PRSS23: variants seen among roughly 807,000 people sequenced by gnomAD.
PRSS23 encodes protease, serine 23.
In PRSS23, 25 loss-of-function variants were observed where a neutral mutation model predicts 34.7. The observed-to-expected ratio is 0.72, with a 90% CI of 0.53 to 1.01. The LOEUF is 1.01. Ranked by LOEUF, PRSS23 falls within the 50% of genes least tolerant of loss-of-function variation. The pLI, the probability that PRSS23 is intolerant of heterozygous loss-of-function variation, is 0.00. For synonymous variants in PRSS23, 176 were observed against 186.6 expected, an observed-to-expected ratio of 0.94 and a Z score of 0.46; for missense variants, 445 against 475.6, an observed-to-expected ratio of 0.94 and a Z score of 0.60.
At chr11:86,894,618 A>G (rs1948862835) in intron 2 of PRSS23, among the ~76,000 whole-genome samples, 1 of 152,100 alleles carries the variant, frequency 6.6e-6, no homozygotes, top group Non-Finnish European at 1.5e-5. Context: ...CATGTCTGGC[A>G]ATGTAGGGAA....
rs1478530066 is a variant in PRSS23 at position 86,807,988 on chromosome 11, C to G, written c.345C>G (p.His115Gln). Residue 115 changes from histidine (H) to glutamine (Q), a missense_variant, in exon 2 of 2, where the codon CAC becomes CAG. Coordinates refer to ENST00000280258, the MANE Select transcript of PRSS23 (RefSeq NM_007173.6). ...ILSSSGDGAQ[H>Q]RDSGSSGKSR... Reference sequence around the variant, plus strand: ...GCAGTAGTGGAGATGGGGCCCAACACCGAGACTCAGGGTCTTCAGGAAAGT... The same window carrying G: ...GCAGTAGTGGAGATGGGGCCCAACAGCGAGACTCAGGGTCTTCAGGAAAGT... The G allele has an allele frequency of 6.2e-7, 1 of 1,614,086 alleles. No homozygotes were observed. Among genetic ancestry groups the G allele is most frequent in the Non-Finnish European group, 8.5e-7 (1 of 1,180,028 alleles).
chr11:86,882,675 G>A (rs533689461), intron 2 of PRSS23, among the ~76,000 whole-genome samples: 14 of 152,258 alleles, frequency 9.2e-5, no homozygotes, highest in Non-Finnish European at 4.4e-5. Context: ...ATGTACATGT[G>A]TCTTTATAAT....
chr11:86,847,249 T>C (rs1422798211), intron 2 of PRSS23, among the ~76,000 whole-genome samples: 1 of 152,192 alleles, frequency 6.6e-6, no homozygotes. Flanking sequence ...GATTTCTCCT[T>C]GAAGGACAGT....
chr11:86,929,335 CA>C (rs1190134043), intron 2 of PRSS23, among the ~76,000 whole-genome samples: 25 of 133,076 alleles, frequency 1.9e-4, no homozygotes, highest in Middle Eastern at 4.1e-3. Flanking sequence ...AAAAAAAAAA[CA>C]AAAAAAAAAA....
intron 1 of PRSS23, among the ~76,000 whole-genome samples, chr11:86,801,483 C>T (rs923175383): frequency 6.6e-6 from 1 of 152,144 alleles, no homozygotes; most frequent in Non-Finnish European, 1.5e-5. Context: ...TTAAGCAGCT[C>T]AGTGTAGGTA....
At chr11:86,907,913 A>G (rs185209369) in intron 2 of PRSS23, among the ~76,000 whole-genome samples, 147 of 152,258 alleles carry the variant, frequency 9.7e-4, no homozygotes, top group African/African-American at 3.3e-3. Context: ...TGCAACCACC[A>G]TCTATTCTCT....
chr11:86,938,931 C>T (rs1402874684), intron 2 of PRSS23: 7 of 390,674 alleles, frequency 1.8e-5, no homozygotes, highest in Non-Finnish European at 3.5e-5. Context: ...GACCATGCTT[C>T]TCCATTAAAA....
At position 86,936,158 on chromosome 11, in the gene PRSS23, G is replaced by A. The variant is rs74322267; in HGVS notation, c.207-15058G>A. 120 of 152,342 alleles carry A rather than the reference G, an allele frequency of 7.9e-4. 5 individuals are homozygous for A. In the East Asian group the frequency reaches 0.023, roughly 29 times the overall value. 9.4% of individuals were successfully genotyped at this position (152,342 alleles called of 1,614,324 possible). The stretch of plus-strand genomic sequence containing the variant: ...TGTAGGATTTCTGGCACTACCCAGA[G>A]GGTTCATTGTGAACCACCTGGCAGG... On this transcript the variant is annotated intron_variant, in intron 2 of 2. Transcript: ENST00000533902.
chr11:86,819,302 A>G (rs1049413322), intron 1 of PRSS23, among the ~76,000 whole-genome samples: 5 of 152,208 alleles, frequency 3.3e-5, no homozygotes, highest in African/African-American at 1.2e-4. Flanking sequence ...CACCAATTAG[A>G]CCAGAACCAA....
rs77290132 is a variant in PRSS23, at chr11:86,941,760, C to A, written c.207-9456C>A. 5.0e-3 allele frequency among the ~76,000 whole-genome samples: 761 copies of A among 152,264 alleles called. 2 individuals carry two copies. Among genetic ancestry groups the A allele is most frequent in the African/African-American group, 0.017 (724 of 41,546 alleles). The stretch of plus-strand genomic sequence containing the variant: ...ATCATTCCCTAACCTATCTTTGAGG[C>A]TGGAGAATTTTCTTGGGGGCTAGTG... On this transcript the variant is annotated intron_variant, in intron 2 of 2. Coordinates refer to the PRSS23 transcript ENST00000533902.
chr11:86,815,131 G>T (rs1948206260), downstream of PRSS23, among the ~76,000 whole-genome samples: 1 of 152,170 alleles, frequency 6.6e-6, no homozygotes, highest in Admixed American at 6.5e-5. Flanking sequence ...AGAACAAGGG[G>T]CTAGAATCCA....
chr11:86,878,134 G>GT (rs1266153702), intron 2 of PRSS23, among the ~76,000 whole-genome samples: 1 of 151,922 alleles, frequency 6.6e-6, no homozygotes, highest in Non-Finnish European at 1.5e-5. Context: ...AACTAAAATT[G>GT]TTTTTTAAGT....
At chr11:86,877,675 T>G (rs911400064) in intron 2 of PRSS23, among the ~76,000 whole-genome samples, 1 of 152,204 alleles carries the variant, frequency 6.6e-6, no homozygotes, top group Admixed American at 6.5e-5. Context: ...CTCAGTTCTA[T>G]TCCATCTGTC....
At chr11:86,943,476 TAGTC>T (rs1051994270) in intron 2 of PRSS23, among the ~76,000 whole-genome samples, 1 of 151,798 alleles carries the variant, frequency 6.6e-6, no homozygotes, top group African/African-American at 2.4e-5. Flanking sequence ...ATACAAAAAT[TAGTC>T]AGGCATGATG....
exon 3 of PRSS23, chr11:86,951,698 G>A (rs1190965026): frequency 6.2e-7 from 1 of 1,613,978 alleles, no homozygotes; most frequent in Non-Finnish European, 8.5e-7. Context: ...TGCGGGGATG[G>A]CCCAGGCTGC....
At chr11:86,827,497 A>C (rs557882320) in intron 2 of PRSS23, among the ~76,000 whole-genome samples, 3 of 151,620 alleles carry the variant, frequency 2.0e-5, no homozygotes, top group Non-Finnish European at 4.4e-5. Context: ...ATTTCCTTCA[A>C]TTCTGCTCTG....
At chr11:86,824,765 T>C (rs1948285996) in intron 2 of PRSS23, among the ~76,000 whole-genome samples, 1 of 151,986 alleles carries the variant, frequency 6.6e-6, no homozygotes, top group Non-Finnish European at 1.5e-5. Context: ...TTACTGAGAA[T>C]GATGATTTCC....
At chr11:86,877,200 T>C (rs952546412) in intron 2 of PRSS23, among the ~76,000 whole-genome samples, 1 of 151,328 alleles carries the variant, frequency 6.6e-6, no homozygotes, top group South Asian at 2.1e-4. Flanking sequence ...TCTCCTCCAC[T>C]GCACTGTGAG....
intron 2 of PRSS23, among the ~76,000 whole-genome samples, chr11:86,848,147 T>C (rs190096415): frequency 2.6e-5 from 4 of 152,278 alleles, no homozygotes; most frequent in African/African-American, 9.6e-5. Flanking sequence ...AAAGGCAGAT[T>C]TAGGGAAATT....
Sources: allele counts gnomAD v4.1 joint callset (sites outside exome capture counted in the v4.1 genomes callset), GRCh38; gene constraint gnomAD v4.1.1; transcripts MANE v1.5; gene names NCBI Gene and HGNC (gene_info 2026-07-23, HGNC 2026-07-21).